The following ALS2 variants were observed in gnomAD, a reference collection of about 807,000 sequenced individuals.
The protein encoded by ALS2 is alsin Rho guanine nucleotide exchange factor ALS2, also known as alsin.
In ALS2, 117 loss-of-function variants were observed where a neutral mutation model predicts 203.4. The observed-to-expected ratio is 0.58, with a 90% CI of 0.50 to 0.67. The LOEUF is 0.67. Among genes scored for constraint, ALS2 ranks in the 30% least tolerant of loss-of-function variants. ALS2 has a pLI of 0.00. For missense variants in ALS2, 1,715 were observed against 1,989.4 expected, an observed-to-expected ratio of 0.86 and a Z score of 2.62; for synonymous variants, 718 against 725.9, an observed-to-expected ratio of 0.99 and a Z score of 0.17.
At chr2:201,763,549 C>A in intron 3 of ALS2, 1 of 330,516 alleles carries the variant, frequency 3.0e-6, no homozygotes, top group Non-Finnish European at 5.3e-6. Flanking sequence ...GACAGAGGAC[C>A]CAGGCTCTAG....
chr2:201,747,551 T>C (rs527360287), intron 8 of ALS2, among the ~76,000 whole-genome samples: 12 of 149,112 alleles, frequency 8.0e-5, no homozygotes, highest in East Asian at 2.1e-4. Context: ...CCCGGGTTCA[T>C]GCCATTCTCC....
At position 201,779,180 on chromosome 2, in the gene ALS2, ATTTGG is replaced by A. The variant is rs1694788134; in HGVS notation, c.-61+1692_-61+1696del. On this transcript the variant is annotated intron_variant, in intron 1 of 33. Transcript: ENST00000264276. Reference sequence around the variant, plus strand: ...ACAGCCCAAATTCTGAAAAACTGAAATTTGGAGAGAAGGGATTCCTGTTTATATTG... The same window carrying A: ...ACAGCCCAAATTCTGAAAAACTGAAAAGAGAAGGGATTCCTGTTTATATTG... 2.0e-5 allele frequency among the ~76,000 whole-genome samples: 3 copies of A among 152,302 alleles called. No homozygotes were observed. In the South Asian group the frequency reaches 6.2e-4, roughly 32 times the overall value.
chr2:201,720,135 T>C (rs1197170593), intron 23 of ALS2: 2 of 438,326 alleles, frequency 4.6e-6, no homozygotes, highest in Non-Finnish European at 9.1e-6. Flanking sequence ...TATCCTGATA[T>C]CAAAGACAGA....
At chr2:201,754,800 C>T (rs1693283354) in intron 5 of ALS2, 129 bp from the exon 6 acceptor site, 1 of 998,108 alleles carries the variant, frequency 1.0e-6, no homozygotes, top group Non-Finnish European at 1.5e-6. Flanking sequence ...ATTCTAGAGG[C>T]TCTCTGTAGA....
At chr2:201,733,548 G>A in intron 12 of ALS2, 110 bp from the exon 13 acceptor site, 1 of 938,262 alleles carries the variant, frequency 1.1e-6, no homozygotes, top group Non-Finnish European at 1.6e-6. Flanking sequence ...ACATTTTTTA[G>A]GTGCTGTGAA....
At chr2:201,753,301 T>C in intron 6 of ALS2, 59 bp from the exon 7 acceptor site, 1 of 1,385,216 alleles carries the variant, frequency 7.2e-7, no homozygotes, top group Non-Finnish European at 1.0e-6. Context: ...AATCGTAGCC[T>C]TTCTCAAATT....
At chr2:201,730,266 T>TTACCATCTATGGCTTTG (rs1222395199) in intron 13 of ALS2, among the ~76,000 whole-genome samples, 56 of 152,198 alleles carry the variant, frequency 3.7e-4, no homozygotes, top group African/African-American at 1.4e-3. Context: ...AATGGGTCTT[T>TTACCATCTATGGCTTTG]TACCATCTAT....
intron 1 of ALS2, among the ~76,000 whole-genome samples, chr2:201,780,527 T>G (rs1255195996): frequency 1.3e-5 from 2 of 152,136 alleles, no homozygotes; most frequent in Non-Finnish European, 2.9e-5. Flanking sequence ...CGTGAATGAA[T>G]AGCTGGAAGG....
intron 20 of ALS2, 91 bp from the exon 21 acceptor site, chr2:201,724,550 G>T: frequency 8.1e-7 from 1 of 1,230,044 alleles, no homozygotes; most frequent in Non-Finnish European, 1.2e-6. Flanking sequence ...ACCATACTCA[G>T]TCTCACTGGT....
intron 1 of ALS2, among the ~76,000 whole-genome samples, chr2:201,772,146 T>C (rs1292841942): frequency 6.6e-6 from 1 of 152,228 alleles, no homozygotes; most frequent in Non-Finnish European, 1.5e-5. Context: ...AGAGCAAACC[T>C]TGCTTCTTAA....
intron 3 of ALS2, among the ~76,000 whole-genome samples, chr2:201,765,070 T>G (rs889509597): frequency 6.6e-5 from 10 of 152,132 alleles, no homozygotes; most frequent in Admixed American, 5.9e-4. Context: ...CACAGCTCAC[T>G]GCACGCAGCT....
chr2:201,755,133 G>A (rs1193420091), intron 5 of ALS2, among the ~76,000 whole-genome samples: 4 of 152,226 alleles, frequency 2.6e-5, no homozygotes, highest in African/African-American at 9.6e-5. Context: ...CAAAGTGGCT[G>A]TAGTCCTAGC....
intron 10 of ALS2, among the ~76,000 whole-genome samples, chr2:201,743,326 C>G (rs1692413040): frequency 6.6e-6 from 1 of 152,112 alleles, no homozygotes; most frequent in Non-Finnish European, 1.5e-5. Flanking sequence ...TTTCTATTCT[C>G]CCAGAGACCC....
chr2:201,733,076 AGGG>A (rs1277196994), intron 13 of ALS2, among the ~76,000 whole-genome samples, 197 bp downstream of exon 13: 2 of 152,230 alleles, frequency 1.3e-5, no homozygotes, highest in East Asian at 3.8e-4. Context: ...AAGGCCCTAA[AGGG>A]AAACTGAATC....
At chr2:201,778,720 G>A (rs6743082) in intron 1 of ALS2, among the ~76,000 whole-genome samples, 4,973 of 152,166 alleles carry the variant, frequency 0.033, 238 homozygotes, top group African/African-American at 0.11. Flanking sequence ...CTCTCTACCA[G>A]GAAAATTCAT....
chr2:201,746,459 A>G (rs952579733), intron 9 of ALS2, 107 bp downstream of exon 9: 8 of 1,303,818 alleles, frequency 6.1e-6, no homozygotes, highest in African/African-American at 1.5e-5. Context: ...TAAATAAGGT[A>G]GTTAGAGATG....
chr2:201,722,857 G>C, intron 23 of ALS2, 186 bp downstream of exon 23: 1 of 591,432 alleles, frequency 1.7e-6, no homozygotes, highest in South Asian at 2.2e-5. Flanking sequence ...GGATTTTCTT[G>C]GGCGATGGAA....
At chr2:201,703,695 T>G (rs1172689497) in intron 33 of ALS2, among the ~76,000 whole-genome samples, 1 of 152,202 alleles carries the variant, frequency 6.6e-6, no homozygotes, top group Non-Finnish European at 1.5e-5. Context: ...ATCTATTGGT[T>G]ACAGTAAATA....
chr2:201,754,506 G>C lies in ALS2; in HGVS notation c.1637C>G (p.Pro546Arg). ...GGTAAATGTTGGTAGCGCTTACCTA[G>C]GCAGAACATCGCCGTGCCCCAGCTG... is the stretch of plus-strand genomic sequence containing the variant. ...EGQLGHGDVL[P>R]RLQPLCVKCL... Residue 546 changes from proline to arginine, a missense_variant, in exon 6 of 34, where the codon CCT becomes CGT. By Grantham distance (103) the Pro-to-Arg change is moderately radical. This residue lies in a region of ALS2 where 1,227 missense variants were observed against 1,413.5 expected (regional missense o/e 0.87). Transcript: ENST00000264276. 1 of 1,614,006 alleles carries C rather than the reference G, an allele frequency of 6.2e-7. No individual in the cohort carries two copies. The highest frequency in any genetic ancestry group is 8.5e-7 in the Non-Finnish European group (1 of 1,179,966).
Sources: allele counts gnomAD v4.1 joint callset (sites outside exome capture counted in the v4.1 genomes callset), GRCh38; gene constraint gnomAD v4.1.1; regional missense constraint gnomAD v4.1.1; transcripts MANE v1.5; gene names NCBI Gene and HGNC (gene_info 2026-07-23, HGNC 2026-07-21).